DESI2: variants seen among roughly 807,000 people sequenced by gnomAD.
DESI2 encodes the protein desumoylating isopeptidase 2.
Under a neutral mutation model 24.1 loss-of-function variants are expected in DESI2, and 10 were observed. The observed-to-expected ratio is 0.41, with a 90% CI of 0.26 to 0.70. The LOEUF is 0.70. Ranked by LOEUF, DESI2 falls within the 30% of genes least tolerant of loss-of-function variation. DESI2 has a pLI of 0.29. For synonymous variants in DESI2, 71 were observed against 87.7 expected (o/e 0.81, Z 1.06); for missense variants, 122 against 234.9 (o/e 0.52, Z 3.14).
At chr1:244,701,487 A>G (rs1287629632) in intron 4 of DESI2, among the ~76,000 whole-genome samples, 16 of 152,176 alleles carry the variant, frequency 1.1e-4, no homozygotes, top group Admixed American at 1.0e-3. Context: ...TTGACTGTCA[A>G]AATTCTATAG....
chr1:244,671,772 T>C (rs748014563), intron 1 of DESI2, among the ~76,000 whole-genome samples: 1 of 152,240 alleles, frequency 6.6e-6, no homozygotes, highest in African/African-American at 2.4e-5. Flanking sequence ...TTGTTTTGCA[T>C]GTTTATAATA....
At chr1:244,705,518 C>T (rs745579344) in intron 4 of DESI2, 38 bp from the exon 5 acceptor site, 51 of 1,553,372 alleles carry the variant, frequency 3.3e-5, no homozygotes, top group Non-Finnish European at 4.5e-5. Context: ...GTAATCTTAA[C>T]CTCTCTTACC....
chr1:244,692,376 T>TC (rs938167332), intron 4 of DESI2, among the ~76,000 whole-genome samples: 3 of 152,118 alleles, frequency 2.0e-5, no homozygotes, highest in Non-Finnish European at 4.4e-5. Context: ...AATTTTTTTT[T>TC]CTGGCTCTTA....
At chr1:244,663,408 C>G (rs1042030949) in intron 1 of DESI2, among the ~76,000 whole-genome samples, 5 of 151,898 alleles carry the variant, frequency 3.3e-5, no homozygotes, top group African/African-American at 7.2e-5. Context: ...GATCTCCTGA[C>G]CTCGTGATCC....
chr1:244,678,034 T>C (rs1676475186), intron 1 of DESI2, among the ~76,000 whole-genome samples: 1 of 152,208 alleles, frequency 6.6e-6, no homozygotes, highest in African/African-American at 2.4e-5. Context: ...TCCTAGCAAC[T>C]TGTGGGCTTT....
At chr1:244,675,842 C>T (rs1676397211) in intron 1 of DESI2, among the ~76,000 whole-genome samples, 1 of 152,194 alleles carries the variant, frequency 6.6e-6, no homozygotes. Context: ...AGTGAATCTT[C>T]AGGTCAACTT....
At chr1:244,704,459 A>G (rs1324572613) in intron 4 of DESI2, among the ~76,000 whole-genome samples, 2 of 152,322 alleles carry the variant, frequency 1.3e-5, no homozygotes, top group South Asian at 4.1e-4. Flanking sequence ...GGAAGGGTTC[A>G]AGAGTCCTAA....
chr1:244,670,955 G>C (rs1440108213), intron 1 of DESI2, among the ~76,000 whole-genome samples: 2 of 152,138 alleles, frequency 1.3e-5, no homozygotes, highest in East Asian at 3.8e-4. Context: ...AAACGCTCTT[G>C]GAATCTAAAC....
At chr1:244,694,580 G>A (rs975458203) in intron 4 of DESI2, 16 of 816,862 alleles carry the variant, frequency 2.0e-5, no homozygotes, top group Middle Eastern at 3.5e-4. Flanking sequence ...TGGCACTGCC[G>A]TTATACTTTC....
chr1:244,653,986 G>A (rs927506830), intron 1 of DESI2: 2 of 471,098 alleles, frequency 4.2e-6, no homozygotes, highest in African/African-American at 4.0e-5. Flanking sequence ...TAGAGATCCT[G>A]GTGGTGCTCC....
At chr1:244,661,800 A>G (rs1675854566) in intron 1 of DESI2, among the ~76,000 whole-genome samples, 1 of 152,170 alleles carries the variant, frequency 6.6e-6, no homozygotes, top group Non-Finnish European at 1.5e-5. Flanking sequence ...TTCTTAATCC[A>G]GTCTATCATT....
chr1:244,654,193 T>A (rs1675568413), intron 1 of DESI2, among the ~76,000 whole-genome samples: 1 of 152,236 alleles, frequency 6.6e-6, no homozygotes, highest in Admixed American at 6.5e-5. Flanking sequence ...AGAATTGTCG[T>A]TGCAGTTAGA....
rs143587716 is a variant in DESI2 at position 244,691,184 on chromosome 1, G to A, written c.210-695G>A. ...GCTCACTGCAACCTCTGCCTCCTGC[G>A]TTCAAGCGATTCTTCCGCCTCAGCC... On this transcript the variant is annotated intron_variant, in intron 3 of 4. Coordinates refer to ENST00000302550, the MANE Select transcript of DESI2 (RefSeq NM_016076.5). Among the ~76,000 whole-genome samples, 339 of 152,336 alleles carry A rather than the reference G, an allele frequency of 2.2e-3. 2 individuals carry two copies. Among genetic ancestry groups the A allele is most frequent in the African/African-American group, 7.8e-3 (326 of 41,586 alleles).
chr1:244,669,732 G>C (rs1676180693), intron 1 of DESI2, among the ~76,000 whole-genome samples: 1 of 152,036 alleles, frequency 6.6e-6, no homozygotes, highest in African/African-American at 2.4e-5. Flanking sequence ...TGTCAGAGGA[G>C]GTAAGTGTGT....
intron 4 of DESI2, among the ~76,000 whole-genome samples, chr1:244,696,480 C>T (rs1157527805): frequency 2.6e-5 from 4 of 152,108 alleles, no homozygotes. Context: ...ATTAGCTAGG[C>T]ACGGTGGTGT....
intron 1 of DESI2, among the ~76,000 whole-genome samples, chr1:244,662,812 A>G (rs1043612876): frequency 6.6e-6 from 1 of 152,218 alleles, no homozygotes; most frequent in Non-Finnish European, 1.5e-5. Context: ...TGTTCCAGAC[A>G]GAGGGTAAGC....
intron 4 of DESI2, among the ~76,000 whole-genome samples, chr1:244,698,873 A>T (rs1414539125): frequency 6.6e-6 from 1 of 152,198 alleles, no homozygotes; most frequent in Admixed American, 6.5e-5. Context: ...TGTATTTCTG[A>T]TACAGGGACT....
intron 1 of DESI2, among the ~76,000 whole-genome samples, chr1:244,663,276 A>G (rs961281972): frequency 3.3e-5 from 5 of 151,498 alleles, no homozygotes; most frequent in African/African-American, 7.3e-5. Context: ...TCCTGGGTTC[A>G]CGCCATTCTT....
At chr1:244,700,926 T>G (rs934454819) in intron 4 of DESI2, among the ~76,000 whole-genome samples, 4 of 152,218 alleles carry the variant, frequency 2.6e-5, no homozygotes, top group African/African-American at 9.6e-5. Context: ...ACAGTAAAAT[T>G]CATGTGTTTT....
Sources: gnomAD v4.1 joint callset for allele counts (sites outside exome capture counted in the v4.1 genomes callset) on GRCh38, gnomAD v4.1.1 for gene constraint, MANE v1.5 for transcripts, NCBI Gene and HGNC (gene_info 2026-07-23, HGNC 2026-07-21) for gene names.